Variants in CDC42BPA observed in about 807,000 individuals in gnomAD.
The protein encoded by CDC42BPA is CDC42 binding protein kinase alpha.
Under a neutral mutation model 223.5 loss-of-function variants are expected in CDC42BPA, and 80 were observed. The observed-to-expected ratio is 0.36, with a 90% CI of 0.30 to 0.43. The LOEUF (loss-of-function observed/expected upper bound fraction) is 0.43. Ranked by LOEUF, CDC42BPA falls within the 20% of genes least tolerant of loss-of-function variation. The pLI is 1.00. For synonymous variants in CDC42BPA, 694 were observed against 718.6 expected, an observed-to-expected ratio of 0.97 and a Z score of 0.55; for missense variants, 1,743 against 2,099.9, an observed-to-expected ratio of 0.83 and a Z score of 3.32.
At position 227,069,804 on chromosome 1, in the gene CDC42BPA, C is replaced by T. The variant is rs1223021554; in HGVS notation, c.2877G>A (p.Thr959=). 8.1e-6 allele frequency: 13 copies of T among 1,610,694 alleles called. No homozygotes were observed. Among genetic ancestry groups the T allele is most frequent in the East Asian group, 2.2e-5 (1 of 44,728 alleles). The change falls in exon 21 of 37, where the codon ACG becomes ACA. Residue 959 remains threonine (T), a synonymous_variant. Coordinates refer to ENST00000366766, the MANE Select transcript of CDC42BPA (RefSeq NM_001394014.1). ...CAAATTGATCCAGAGCATCGGTAGG[C>T]GTATTCAAAAATGCCAAGAAAGAAT... ...SQHSFLAFLN[T]PTDALDQFET... is the part of the protein sequence containing the mutation.
intron 1 of CDC42BPA, among the ~76,000 whole-genome samples, chr1:227,286,120 C>T (rs879865894): frequency 2.0e-5 from 3 of 152,122 alleles, no homozygotes; most frequent in African/African-American, 7.2e-5. Context: ...CTCCACAGCC[C>T]CCTTGGATTC....
chr1:227,310,575 T>C (rs1471189417), intron 1 of CDC42BPA, among the ~76,000 whole-genome samples: 1 of 151,934 alleles, frequency 6.6e-6, no homozygotes, highest in African/African-American at 2.4e-5. Flanking sequence ...ATGGCAGTCA[T>C]AGGAAGGAAG....
chr1:227,172,997 G>A (rs1256294830), intron 5 of CDC42BPA, among the ~76,000 whole-genome samples: 1 of 152,092 alleles, frequency 6.6e-6, no homozygotes, highest in Non-Finnish European at 1.5e-5. Context: ...TAATCAAATG[G>A]CCAGCCTGAG....
intron 21 of CDC42BPA, among the ~76,000 whole-genome samples, chr1:227,067,599 A>G (rs189734888): frequency 1.3e-5 from 2 of 152,276 alleles, no homozygotes; most frequent in East Asian, 1.9e-4. Context: ...ATCACACTAT[A>G]GAGTTAACCA....
intron 5 of CDC42BPA, among the ~76,000 whole-genome samples, chr1:227,166,289 A>G (rs757254825): frequency 1.1e-4 from 16 of 152,090 alleles, no homozygotes; most frequent in Non-Finnish European, 1.8e-4. Context: ...AGGGTGGGCT[A>G]TTTCTTCTCC....
chr1:227,238,237 T>TA, intron 2 of CDC42BPA, among the ~76,000 whole-genome samples: 1 of 151,290 alleles, frequency 6.6e-6, no homozygotes, highest in Middle Eastern at 3.4e-3. Context: ...GGCACACCTG[T>TA]AGTCCCAGCT....
chr1:227,285,015 C>T (rs1011147988), intron 1 of CDC42BPA, among the ~76,000 whole-genome samples: 1 of 151,274 alleles, frequency 6.6e-6, no homozygotes, highest in African/African-American at 2.4e-5. Flanking sequence ...TTCTCTGGTA[C>T]ATACCTCTGG....
At chr1:227,142,093 G>C (rs1391574127) in intron 9 of CDC42BPA, among the ~76,000 whole-genome samples, 1 of 152,186 alleles carries the variant, frequency 6.6e-6, no homozygotes, top group Non-Finnish European at 1.5e-5. Context: ...ATTTAAAGTA[G>C]ACCAGTAAGA....
At chr1:227,195,510 T>C (rs1670525359) in intron 4 of CDC42BPA, among the ~76,000 whole-genome samples, 1 of 152,124 alleles carries the variant, frequency 6.6e-6, no homozygotes, top group African/African-American at 2.4e-5. Context: ...CCTGACAATT[T>C]ACTTTTGATT....
At chr1:227,272,083 G>GT (rs1231394486) in intron 1 of CDC42BPA, among the ~76,000 whole-genome samples, 1 of 151,336 alleles carries the variant, frequency 6.6e-6, no homozygotes, top group Non-Finnish European at 1.5e-5. Flanking sequence ...TGGCCACTTT[G>GT]TTTATCTTTT....
At chr1:227,069,521 G>A (rs1032147640) in intron 21 of CDC42BPA, 1 of 281,700 alleles carries the variant, frequency 3.5e-6, no homozygotes, top group Non-Finnish European at 6.6e-6. Context: ...GTTTCTTAAG[G>A]GAGATGAAAT....
intron 35 of CDC42BPA, among the ~76,000 whole-genome samples, chr1:226,996,647 AGTT>A (rs1215145551): frequency 6.6e-6 from 1 of 152,168 alleles, no homozygotes; most frequent in African/African-American, 2.4e-5. Context: ...ATCAATACCT[AGTT>A]TATTGAGTTT....
intron 15 of CDC42BPA, among the ~76,000 whole-genome samples, chr1:227,097,014 T>C (rs1684127741): frequency 6.6e-6 from 1 of 152,136 alleles, no homozygotes; most frequent in Non-Finnish European, 1.5e-5. Context: ...TCTCTTTTCA[T>C]GATAGGTTAA....
At chr1:226,995,205 C>T (rs762292125) in intron 35 of CDC42BPA, among the ~76,000 whole-genome samples, 4 of 152,166 alleles carry the variant, frequency 2.6e-5, no homozygotes, top group South Asian at 2.1e-4. Context: ...TCCCGGTGAG[C>T]GAGCACTCTC....
intron 1 of CDC42BPA, among the ~76,000 whole-genome samples, chr1:227,288,293 T>A (rs548811566): frequency 6.6e-6 from 1 of 152,286 alleles, no homozygotes; most frequent in African/African-American, 2.4e-5. Context: ...GAGGATCACT[T>A]GAGCCCAGGA....
chr1:227,134,242 C>T (rs1478817406), intron 10 of CDC42BPA, among the ~76,000 whole-genome samples: 3 of 152,124 alleles, frequency 2.0e-5, no homozygotes, highest in African/African-American at 4.8e-5. Context: ...TTACCCTTCT[C>T]TCCTCCATTG....
At chr1:227,064,391 A>G (rs1676552746) in intron 21 of CDC42BPA, among the ~76,000 whole-genome samples, 1 of 152,234 alleles carries the variant, frequency 6.6e-6, no homozygotes, top group African/African-American at 2.4e-5. Context: ...TATGATTGTA[A>G]TTAGTATTAT....
chr1:226,998,432 G>T (rs942891090), intron 35 of CDC42BPA, among the ~76,000 whole-genome samples: 1 of 152,128 alleles, frequency 6.6e-6, no homozygotes, highest in African/African-American at 2.4e-5. Flanking sequence ...ACAAGGTACT[G>T]GTACCAAAAC....
chr1:227,189,389 A>C (rs1284343839), intron 5 of CDC42BPA, among the ~76,000 whole-genome samples: 1 of 152,226 alleles, frequency 6.6e-6, no homozygotes, highest in Non-Finnish European at 1.5e-5. Context: ...GGATGAAACT[A>C]TCTTATTTAT....
Sources: allele counts gnomAD v4.1 joint callset (sites outside exome capture counted in the v4.1 genomes callset), GRCh38; gene constraint gnomAD v4.1.1; transcripts MANE v1.5; gene names NCBI Gene and HGNC (gene_info 2026-07-23, HGNC 2026-07-21).